CEP162: variants seen among roughly 807,000 people sequenced by gnomAD.
The protein encoded by CEP162 is centrosomal protein of 162 kDa.
In CEP162, 141 loss-of-function variants were observed where a neutral mutation model predicts 169.2. The observed-to-expected ratio is 0.83, with a 90% CI of 0.73 to 0.96. The LOEUF (loss-of-function observed/expected upper bound fraction) is 0.96, where lower values mean the gene tolerates loss of function less well. CEP162 is among the 40% of genes least tolerant of loss of function. The probability of loss-of-function intolerance (pLI) is 0.00; values close to 1 mark genes in which losing one functional copy is unlikely to be tolerated. For missense variants in CEP162, 1,600 were observed against 1,587.2 expected, an observed-to-expected ratio of 1.01 and a Z score of -0.14; for synonymous variants, 540 against 526.4, an observed-to-expected ratio of 1.03 and a Z score of -0.35.
chr6:84,216,077 C>G lies in CEP162; in HGVS notation c.173-155G>C, dbSNP rs572815926. ...AAAAATCCATCAGACCTAACACTCA[C>G]AAAAGAAAGATTATAATTCTATTTG... On this transcript the variant is annotated intron_variant, in intron 3 of 26. Transcript: ENST00000403245. 78 of 860,642 alleles carry G rather than the reference C, an allele frequency of 9.1e-5. No homozygotes were observed. In the African/African-American group the frequency reaches 1.2e-3, roughly 13 times the overall value. The allele number at this position is 860,642 out of a possible 1,614,324, so 53.3% of individuals were successfully genotyped here. A position where few individuals can be genotyped will look rare whatever the true frequency, so the allele number is the denominator to read the frequency against.
intron 25 of CEP162, among the ~76,000 whole-genome samples, chr6:84,129,309 C>T (rs1047330719): frequency 6.6e-6 from 1 of 152,218 alleles, no homozygotes; most frequent in African/African-American, 2.4e-5. Flanking sequence ...CTCCCACCAA[C>T]AGTGTAAAAG....
At chr6:84,211,576 G>GAAA in intron 6 of CEP162, among the ~76,000 whole-genome samples, 1 of 142,246 alleles carries the variant, frequency 7.0e-6, no homozygotes, top group East Asian at 2.0e-4. Context: ...TTAAAGAAAG[G>GAAA]AAAAAAACCA....
intron 13 of CEP162, among the ~76,000 whole-genome samples, chr6:84,182,230 T>C (rs888845211): frequency 1.3e-5 from 2 of 152,110 alleles, no homozygotes; most frequent in African/African-American, 4.8e-5. Context: ...TCACCCAGCA[T>C]AACAACAGTT....
chr6:84,223,335 C>T (rs2099554475), intron 2 of CEP162, among the ~76,000 whole-genome samples: 1 of 151,292 alleles, frequency 6.6e-6, no homozygotes, highest in African/African-American at 2.4e-5. Context: ...CATGTCTCTA[C>T]TAAAAATACA....
chr6:84,174,711 A>C lies in CEP162; in HGVS notation c.2025+16T>G. On this transcript the variant is annotated intron_variant, in intron 15 of 26. Coordinates refer to ENST00000403245, the MANE Select transcript of CEP162 (RefSeq NM_014895.4). ...TTAATAAATATAAAAAAATACCAGA[A>C]CAATGTATCTAGTACCTTGGCTTGA... 1 of 1,125,672 alleles carries C rather than the reference A, an allele frequency of 8.9e-7. No homozygotes were observed. Among genetic ancestry groups the C allele is most frequent in the African/African-American group, 1.6e-5 (1 of 62,804 alleles). The allele number at this position is 1,125,672 out of a possible 1,614,324, so 69.7% of individuals were successfully genotyped here.
intron 25 of CEP162, among the ~76,000 whole-genome samples, chr6:84,136,170 T>G (rs974445885): frequency 5.3e-5 from 8 of 152,240 alleles, no homozygotes; most frequent in African/African-American, 1.9e-4. Flanking sequence ...GGATAACTAC[T>G]GGACAAAAAC....
intron 11 of CEP162, among the ~76,000 whole-genome samples, chr6:84,189,749 A>G (rs1365511881): frequency 3.3e-5 from 5 of 152,228 alleles, no homozygotes; most frequent in Non-Finnish European, 2.9e-5. Context: ...GGGCTGAGGA[A>G]TGCGAGCACA....
chr6:84,188,201 G>A (rs996278452), intron 11 of CEP162, among the ~76,000 whole-genome samples: 5 of 151,524 alleles, frequency 3.3e-5, no homozygotes, highest in Non-Finnish European at 5.9e-5. Context: ...AAATTAGAGG[G>A]ACAAGGAATC....
At chr6:84,214,977 T>C (rs559526173) in intron 5 of CEP162, among the ~76,000 whole-genome samples, 53 of 152,320 alleles carry the variant, frequency 3.5e-4, no homozygotes, top group African/African-American at 1.3e-3. Context: ...TGGACTCTCT[T>C]TATTTGTCTG....
intron 25 of CEP162, among the ~76,000 whole-genome samples, chr6:84,131,055 G>A (rs966901261): frequency 7.2e-5 from 11 of 152,290 alleles, no homozygotes; most frequent in Middle Eastern, 6.8e-3. Context: ...GGTACGTCAT[G>A]TCTTTGTTCT....
At chr6:84,127,324 C>CTGATAA (rs150502975) in intron 25 of CEP162, among the ~76,000 whole-genome samples, 1 of 151,864 alleles carries the variant, frequency 6.6e-6, no homozygotes, top group African/African-American at 2.4e-5. Flanking sequence ...AACAATAATA[C>CTGATAA]TAATACTAAA....
At chr6:84,222,343 G>A (rs1056446406) in intron 2 of CEP162, among the ~76,000 whole-genome samples, 12 of 152,102 alleles carry the variant, frequency 7.9e-5, no homozygotes, top group African/African-American at 2.9e-4. Flanking sequence ...CACTTCCTCC[G>A]GGTTATTCTT....
At chr6:84,160,715 G>A (rs1217852291) in intron 21 of CEP162, 97 bp downstream of exon 21, 1 of 714,550 alleles carries the variant, frequency 1.4e-6, no homozygotes, top group Admixed American at 2.4e-5. Context: ...AAAATTTCCA[G>A]GTCAACTCCA....
intron 11 of CEP162, among the ~76,000 whole-genome samples, chr6:84,192,403 T>C (rs1463041993): frequency 6.6e-6 from 1 of 152,224 alleles, no homozygotes; most frequent in Non-Finnish European, 1.5e-5. Flanking sequence ...ATCTCTGTAG[T>C]TACCGCTAAC....
chr6:84,189,378 C>T (rs577418773), intron 11 of CEP162, among the ~76,000 whole-genome samples: 4 of 152,266 alleles, frequency 2.6e-5, no homozygotes, highest in South Asian at 2.1e-4. Flanking sequence ...GGGAGAGGCA[C>T]GAGCGGGAAC....
intron 18 of CEP162, 36 bp from the exon 19 acceptor site, chr6:84,163,306 TACA>T: frequency 2.0e-6 from 3 of 1,474,694 alleles, no homozygotes; most frequent in Non-Finnish European, 2.8e-6. Context: ...GCAAGTTTTT[TACA>T]ACCACAATAA....
rs1209879207 is a variant in CEP162, at chr6:84,152,771, C to T, written c.3403G>A (p.Ala1135Thr). Reference sequence around the variant, plus strand: ...CTTGAGTGCAAAACATCTTTCTTTGCCCTTTTGGCAGACATTTCCTCTCTG... The same window carrying T: ...CTTGAGTGCAAAACATCTTTCTTTGTCCTTTTGGCAGACATTTCCTCTCTG... ...KGREEMSAKR[A>T]KKDVLHSSKG... The change falls in exon 23 of 27, where the codon GCA becomes ACA. Residue 1135 changes from alanine to threonine, a missense_variant. Transcript: ENST00000403245. 6 of 1,613,422 alleles carry T rather than the reference C, an allele frequency of 3.7e-6. No homozygotes were observed. In the South Asian group the frequency reaches 6.6e-5, roughly 18 times the overall value.
rs1436913358 is a variant in CEP162 at position 84,153,082 on chromosome 6, A to T, written c.3092T>A (p.Leu1031His). ...SPRIKALEKE[L>H]DDIKEAHQIT... is the part of the protein sequence containing the mutation. ...CTGATGGGCTTCCTTGATGTCATCA[A>T]GTTCCTTCTCTAGGGCTTTAATTCT... The change falls in exon 23 of 27, where the codon CTT becomes CAT. Residue 1031 changes from leucine to histidine, a missense_variant. By Grantham distance (99) the Leu-to-His change is moderately conservative. Coordinates refer to ENST00000403245, the MANE Select transcript of CEP162 (RefSeq NM_014895.4). The T allele has an allele frequency of 6.2e-7, 1 of 1,613,230 alleles. No homozygotes were observed. Among genetic ancestry groups the T allele is most frequent in the Admixed American group, 1.7e-5 (1 of 59,836 alleles).
At chr6:84,200,716 C>T in intron 9 of CEP162, 73 bp downstream of exon 9, 1 of 656,172 alleles carries the variant, frequency 1.5e-6, no homozygotes, top group Non-Finnish European at 2.7e-6. Context: ...TATATATTTC[C>T]TTAGAAATGT....
Sources: gnomAD v4.1 joint callset for allele counts (sites outside exome capture counted in the v4.1 genomes callset) on GRCh38, gnomAD v4.1.1 for gene constraint, MANE v1.5 for transcripts, NCBI Gene and HGNC (gene_info 2026-07-23, HGNC 2026-07-21) for gene names.